Variants in EPHA5 observed in about 807,000 individuals in gnomAD.
EPHA5 encodes ephrin type-A receptor 5.
In EPHA5, 60 loss-of-function variants were observed where a neutral mutation model predicts 105.0. That is an observed-to-expected ratio of 0.57 (90% CI 0.46 to 0.71). The LOEUF (loss-of-function observed/expected upper bound fraction) is 0.71. EPHA5 is among the 30% of genes least tolerant of loss of function. EPHA5 has a pLI of 0.00. For synonymous variants in EPHA5, 513 were observed against 449.1 expected (o/e 1.14, Z -1.80); for missense variants, 1,218 against 1,274.7 (o/e 0.96, Z 0.68).
intron 1 of EPHA5, among the ~76,000 whole-genome samples, chr4:65,651,877 C>T (rs912986259): frequency 2.6e-5 from 4 of 152,066 alleles, no homozygotes; most frequent in Non-Finnish European, 4.4e-5. Context: ...TCCACTGGTT[C>T]GTCTGTACAA....
intron 5 of EPHA5, among the ~76,000 whole-genome samples, chr4:65,470,761 A>G (rs1290265664): frequency 6.6e-6 from 1 of 152,226 alleles, no homozygotes; most frequent in Non-Finnish European, 1.5e-5. Flanking sequence ...GCGACTTCAC[A>G]GTTTTGAAGA....
chr4:65,430,999 A>G (rs1724917277), intron 5 of EPHA5, among the ~76,000 whole-genome samples: 1 of 152,148 alleles, frequency 6.6e-6, no homozygotes, highest in Admixed American at 6.6e-5. Flanking sequence ...TACCTAAATC[A>G]AAGTTTTACA....
intron 5 of EPHA5, among the ~76,000 whole-genome samples, chr4:65,457,750 C>T (rs978233038): frequency 2.0e-5 from 3 of 151,940 alleles, no homozygotes; most frequent in Non-Finnish European, 2.9e-5. Context: ...TAAAATTATT[C>T]GGAGTGTAGA....
chr4:65,379,586 G>C (rs1317595581), intron 8 of EPHA5, among the ~76,000 whole-genome samples: 2 of 151,538 alleles, frequency 1.3e-5, no homozygotes, highest in Non-Finnish European at 3.0e-5. Context: ...ATTTTACTTT[G>C]ATCAGTGTCT....
chr4:65,464,322 C>T (rs1017212050), intron 5 of EPHA5, among the ~76,000 whole-genome samples: 10 of 151,814 alleles, frequency 6.6e-5, no homozygotes, highest in South Asian at 2.1e-4. Flanking sequence ...AAATTACTGA[C>T]GTGCCTACAA....
chr4:65,424,520 G>A lies in EPHA5; in HGVS notation c.1403-3955C>T, dbSNP rs888004713. On this transcript the variant is annotated intron_variant, in intron 5 of 16. Transcript: ENST00000613740. ...TCTTATTCTTCAGGTACAATGTCAG[G>A]TACAGGGTGGGTGCCAAATAAATAC... Among the ~76,000 whole-genome samples, 18 of 152,002 alleles carry A rather than the reference G, an allele frequency of 1.2e-4. 1 individual carries two copies. Among genetic ancestry groups the A allele is most frequent in the Non-Finnish European group, 2.2e-4 (15 of 67,920 alleles).
intron 8 of EPHA5, among the ~76,000 whole-genome samples, chr4:65,367,915 C>T (rs2148897941): frequency 6.6e-6 from 1 of 151,922 alleles, no homozygotes; most frequent in East Asian, 1.9e-4. Flanking sequence ...CCACTCACAT[C>T]CACCCAGAAA....
At chr4:65,584,943 G>C (rs1447718320) in intron 3 of EPHA5, among the ~76,000 whole-genome samples, 1 of 151,832 alleles carries the variant, frequency 6.6e-6, no homozygotes, top group Non-Finnish European at 1.5e-5. Context: ...AAAATTAGGA[G>C]AGAGGAAATG....
In EPHA5 at chr4:65,397,851, T is replaced by C. The variant is rs571440884; in HGVS notation, c.1793+6523A>G. The stretch of plus-strand genomic sequence containing the variant: ...CCCTATCATATGAAGCAGTTAAGAG[T>C]AGTCATTGTCCCTATCCTAATGGCA... On this transcript the variant is annotated intron_variant, in intron 8 of 16. Transcript: ENST00000613740. Among the ~76,000 whole-genome samples, 9 of 152,042 alleles carry C rather than the reference T, an allele frequency of 5.9e-5. No individual in the cohort carries two copies. The South Asian group carries it at 1.9e-3, about 32-fold the overall frequency.
At chr4:65,373,984 A>C (rs112296333) in intron 8 of EPHA5, among the ~76,000 whole-genome samples, 148 of 152,088 alleles carry the variant, frequency 9.7e-4, no homozygotes, top group African/African-American at 2.9e-3. Flanking sequence ...ATAAATATAC[A>C]TTGGTTTCTG....
In EPHA5 at chr4:65,349,477, T is replaced by C. The variant is rs192332965; in HGVS notation, c.2446-1274A>G. ...TATTTCATCTATCATCAAATATATA[T>C]TGAAAGAGAAAGAGGTGAAGGTTTC... is the stretch of plus-strand genomic sequence containing the variant. On this transcript the variant is annotated intron_variant, in intron 13 of 16. Coordinates refer to ENST00000613740, the MANE Select transcript of EPHA5 (RefSeq NM_001281766.3). Among the ~76,000 whole-genome samples the C allele has an allele frequency of 2.6e-3, 393 of 152,210 alleles. 1 individual carries two copies. Among genetic ancestry groups the C allele is most frequent in the Admixed American group, 5.2e-3 (79 of 15,278 alleles).
chr4:65,571,062 C>T (rs1740121105), intron 3 of EPHA5, among the ~76,000 whole-genome samples: 2 of 151,788 alleles, frequency 1.3e-5, no homozygotes, highest in South Asian at 4.1e-4. Context: ...CCTACCTTTC[C>T]CTTTTCTTTT....
chr4:65,567,917 C>T (rs999699269), intron 3 of EPHA5, among the ~76,000 whole-genome samples: 9 of 151,388 alleles, frequency 5.9e-5, no homozygotes, highest in Admixed American at 5.3e-4. Context: ...TAAACTAATC[C>T]TATTCTTTGA....
intron 3 of EPHA5, among the ~76,000 whole-genome samples, chr4:65,572,196 C>T (rs1214431551): frequency 6.6e-6 from 1 of 151,806 alleles, no homozygotes; most frequent in Non-Finnish European, 1.5e-5. Flanking sequence ...GAGTCATTTT[C>T]TCATTAGCTT....
intron 16 of EPHA5, among the ~76,000 whole-genome samples, chr4:65,329,867 A>C (rs577328350): frequency 6.6e-6 from 1 of 151,180 alleles, no homozygotes; most frequent in South Asian, 2.1e-4. Flanking sequence ...CTTTTAAAAA[A>C]ATTTTTTTGA....
At chr4:65,402,962 T>G (rs1435982147) in intron 8 of EPHA5, among the ~76,000 whole-genome samples, 1 of 152,144 alleles carries the variant, frequency 6.6e-6, no homozygotes, top group East Asian at 1.9e-4. Flanking sequence ...GGGCACTAGA[T>G]AGCTATCCCC....
chr4:65,480,637 T>C (rs901604653), intron 5 of EPHA5, among the ~76,000 whole-genome samples: 1 of 152,154 alleles, frequency 6.6e-6, no homozygotes, highest in Non-Finnish European at 1.5e-5. Flanking sequence ...GCAATAGCAA[T>C]TGCAATAAAA....
intron 3 of EPHA5, among the ~76,000 whole-genome samples, chr4:65,579,844 A>T (rs1223317586): frequency 6.6e-6 from 1 of 152,012 alleles, no homozygotes; most frequent in East Asian, 1.9e-4. Context: ...AAACATACAC[A>T]TCTATAAGTG....
chr4:65,492,321 C>A (rs1731485918), intron 4 of EPHA5, among the ~76,000 whole-genome samples: 1 of 151,820 alleles, frequency 6.6e-6, no homozygotes, highest in African/African-American at 2.4e-5. Flanking sequence ...CCTGCCTCAG[C>A]CTCCCGAGTA....
Sources: allele counts gnomAD v4.1 joint callset (sites outside exome capture counted in the v4.1 genomes callset), GRCh38; gene constraint gnomAD v4.1.1; transcripts MANE v1.5; gene names NCBI Gene and HGNC (gene_info 2026-07-23, HGNC 2026-07-21).